The following KIRREL3 variants were observed in gnomAD, a reference collection of about 807,000 sequenced individuals.
KIRREL3 encodes kin of IRRE-like protein 3.
In KIRREL3, 36 loss-of-function variants were observed where a neutral mutation model predicts 89.7. The observed-to-expected ratio is 0.40, with a 90% CI of 0.31 to 0.53. KIRREL3 has a LOEUF of 0.53. Among genes scored for constraint, KIRREL3 ranks in the 20% least tolerant of loss-of-function variants. The pLI is 0.49. For missense variants in KIRREL3, 864 were observed against 1,056.6 expected (o/e 0.82, Z 2.53); for synonymous variants, 445 against 441.4 (o/e 1.01, Z -0.10).
At chr11:126,968,657 C>A (rs1949346665) in intron 1 of KIRREL3, among the ~76,000 whole-genome samples, 1 of 152,196 alleles carries the variant, frequency 6.6e-6, no homozygotes, top group South Asian at 2.1e-4. Context: ...GTGCTCAGCT[C>A]CTCCTGAAGA....
intron 7 of KIRREL3, among the ~76,000 whole-genome samples, chr11:126,451,278 ATGT>A: frequency 8.5e-6 from 1 of 117,266 alleles, no homozygotes; most frequent in African/African-American, 3.3e-5. Flanking sequence ...GTCCGTGTGC[ATGT>A]GTGCGTGTGT....
intron 1 of KIRREL3, among the ~76,000 whole-genome samples, chr11:126,604,996 G>C (rs1487282227): frequency 6.6e-6 from 1 of 152,212 alleles, no homozygotes; most frequent in Non-Finnish European, 1.5e-5. Flanking sequence ...ATTGTAAATT[G>C]CAAAGTGGCA....
chr11:127,002,591 CT>C (rs1479239806), upstream of KIRREL3, among the ~76,000 whole-genome samples: 1 of 152,160 alleles, frequency 6.6e-6, no homozygotes, highest in African/African-American at 2.4e-5. Context: ...GCGCCGTCAC[CT>C]TAGTAGTAGC....
At chr11:126,567,500 A>C (rs936042135) in intron 1 of KIRREL3, among the ~76,000 whole-genome samples, 1 of 152,200 alleles carries the variant, frequency 6.6e-6, no homozygotes, top group Non-Finnish European at 1.5e-5. Context: ...CTAGCAAATG[A>C]ATATAGACAG....
rs1045268301 is a variant in KIRREL3 at position 126,628,509 on chromosome 11, C to T, written c.56-65597G>A. On this transcript the variant is annotated intron_variant, in intron 1 of 16. Coordinates refer to ENST00000525144, the MANE Select transcript of KIRREL3 (RefSeq NM_032531.4). This position sits in a 1 kb window ranked among gnomAD's most constrained non-coding sequence, Gnocchi z 5.2. ...TGCTGAGCAGGAAGAACAGTATATC[C>T]CGTTCTCCTAGCTCTCAAAACAATG... 6.6e-6 allele frequency among the ~76,000 whole-genome samples: 1 copy of T among 152,134 alleles called. No homozygotes were observed. Among genetic ancestry groups the T allele is most frequent in the Non-Finnish European group, 1.5e-5 (1 of 68,032 alleles).
In KIRREL3 at chr11:126,522,832, G is replaced by A. The variant is rs1958639078; in HGVS notation, c.284-1368C>T. ...CTTCTCTCCTCAGAGGCTGCCCTCG[G>A]CTTCCACTCCCCTCTGGCAGCCCCA... On this transcript the variant is annotated intron_variant, in intron 3 of 16. Coordinates refer to ENST00000525144, the MANE Select transcript of KIRREL3 (RefSeq NM_032531.4). This position sits in a 1 kb window ranked among gnomAD's most constrained non-coding sequence, Gnocchi z 6.0. Among the ~76,000 whole-genome samples, 2 of 152,184 alleles carry A rather than the reference G, an allele frequency of 1.3e-5. No homozygotes were observed. The highest frequency in any genetic ancestry group is 4.1e-4 in the South Asian group (2 of 4,828).
At position 127,000,492 on chromosome 11, in the gene KIRREL3, G is replaced by C; in HGVS notation, c.18C>G (p.Leu6=). 1.9e-6 allele frequency: 3 copies of C among 1,607,886 alleles called. No individual in the cohort carries two copies. Among genetic ancestry groups the C allele is most frequent in the Non-Finnish European group, 2.5e-6 (3 of 1,177,196 alleles). MKPFQ[L]DLLFVCFFLF... ...GGAAGAAGCAGACGAAGAGCAGATC[G>C]AGCTGGAAGGGTTTCATTCCTTAGC... The change falls in exon 1 of 17, where the codon CTC becomes CTG. Residue 6 remains leucine, a synonymous_variant. Coordinates refer to ENST00000525144, the MANE Select transcript of KIRREL3 (RefSeq NM_032531.4). The surrounding 1 kb of genome is among the most constrained non-coding windows in gnomAD (Gnocchi z 7.1).
At chr11:126,518,946 G>A (rs1432595023) in intron 4 of KIRREL3, among the ~76,000 whole-genome samples, 1 of 152,268 alleles carries the variant, frequency 6.6e-6, no homozygotes, top group African/African-American at 2.4e-5. Flanking sequence ...TGGGGTTTTA[G>A]TTTGCTCAGG....
At position 126,642,834 on chromosome 11, in the gene KIRREL3, C is replaced by T. The variant is rs749560835; in HGVS notation, c.56-79922G>A. Among the ~76,000 whole-genome samples, 28 of 152,180 alleles carry T rather than the reference C, an allele frequency of 1.8e-4. No individual in the cohort carries two copies. Among genetic ancestry groups the T allele is most frequent in the Non-Finnish European group, 2.9e-4 (20 of 68,036 alleles). ...ATGTGCAAAATTCTGAACTGTACATCCAGTTGAACAAAGTAAACATTTATC... is the reference window on the plus strand; with the variant it reads ...ATGTGCAAAATTCTGAACTGTACATTCAGTTGAACAAAGTAAACATTTATC... On this transcript the variant is annotated intron_variant, in intron 1 of 16. Transcript: ENST00000525144. This position sits in a 1 kb window ranked among gnomAD's most constrained non-coding sequence, Gnocchi z 4.9.
chr11:126,847,374 T>C (rs1213540010), intron 1 of KIRREL3, among the ~76,000 whole-genome samples: 1 of 152,136 alleles, frequency 6.6e-6, no homozygotes, highest in Non-Finnish European at 1.5e-5. Flanking sequence ...TTGTTAGTCA[T>C]GTTTTTGACT....
At chr11:126,678,300 C>T (rs1946287627) in intron 1 of KIRREL3, among the ~76,000 whole-genome samples, 1 of 151,382 alleles carries the variant, frequency 6.6e-6, no homozygotes, top group Admixed American at 6.6e-5. Context: ...GAGTTGAAGG[C>T]CGAGATAAGA....
At chr11:126,439,293 T>G (rs1167208531) in intron 11 of KIRREL3, among the ~76,000 whole-genome samples, 3 of 151,854 alleles carry the variant, frequency 2.0e-5, no homozygotes, top group Non-Finnish European at 4.4e-5. Context: ...ATTGCACCAT[T>G]GCACCCAGCC....
chr11:126,815,076 T>C (rs1951512559), intron 1 of KIRREL3, among the ~76,000 whole-genome samples: 1 of 152,120 alleles, frequency 6.6e-6, no homozygotes, highest in Non-Finnish European at 1.5e-5. Flanking sequence ...GGTGTAAAGC[T>C]TTAAAAAAAA....
rs1373343297 is a variant in KIRREL3, at chr11:126,473,436, C to G, written c.464G>C (p.Gly155Ala). ...CCCCGCACGCAGGCTGATCACAGGG[C>G]CCCCCAGGATGACGGGGTCATCAGG... is the stretch of plus-strand genomic sequence containing the variant. ...VPPDDPVILGGPVISLRAGDP... is the reference protein window; with the variant it reads ...VPPDDPVILGAPVISLRAGDP... Residue 155 changes from glycine to alanine, a missense_variant, in exon 5 of 17, where the codon GGC (glycine) becomes GCC (alanine). By Grantham distance (60) the Gly-to-Ala change is moderately conservative (BLOSUM62 0). Coordinates refer to ENST00000525144, the MANE Select transcript of KIRREL3 (RefSeq NM_032531.4). The G allele has an allele frequency of 1.9e-6, 3 of 1,571,126 alleles. No homozygotes were observed. The highest frequency in any genetic ancestry group is 1.7e-5 in the Admixed American group (1 of 58,428).
intron 4 of KIRREL3, among the ~76,000 whole-genome samples, chr11:126,487,271 G>T (rs995159881): frequency 1.3e-5 from 2 of 152,088 alleles, no homozygotes; most frequent in East Asian, 3.8e-4. Flanking sequence ...AGACAGAAGG[G>T]CAAAAATTAA....
In KIRREL3 at chr11:126,772,833, C is replaced by G. The variant is rs1041644816; in HGVS notation, c.56-209921G>C. Among the ~76,000 whole-genome samples, 4 of 152,294 alleles carry G rather than the reference C, an allele frequency of 2.6e-5. No homozygotes were observed. The South Asian group carries it at 6.2e-4, about 24-fold the overall frequency. ...GGTTTTGAGCCTTTGCCCCTAATGC[C>G]AGCACCATACCTACTGCATCTGGAT... is the stretch of plus-strand genomic sequence containing the variant. On this transcript the variant is annotated intron_variant, in intron 1 of 16. Transcript: ENST00000525144. This position sits in a 1 kb window ranked among gnomAD's most constrained non-coding sequence, Gnocchi z 4.6.
At chr11:126,839,022 GAGGA>G (rs1257528773) in intron 1 of KIRREL3, among the ~76,000 whole-genome samples, 7 of 152,216 alleles carry the variant, frequency 4.6e-5, no homozygotes, top group Non-Finnish European at 1.0e-4. Context: ...GCCTCCAAGG[GAGGA>G]CTTGGCTTTT....
chr11:126,849,643 G>C (rs1270336429), intron 1 of KIRREL3, among the ~76,000 whole-genome samples: 1 of 152,188 alleles, frequency 6.6e-6, no homozygotes, highest in African/African-American at 2.4e-5. Context: ...GGGCAACGCA[G>C]AGATGTCTAG....
intron 7 of KIRREL3, among the ~76,000 whole-genome samples, chr11:126,451,137 G>A (rs1232359160): frequency 6.6e-6 from 1 of 151,320 alleles, no homozygotes; most frequent in Non-Finnish European, 1.5e-5. Context: ...ATGTGCATGT[G>A]TGTGCATGTG....
Sources: gnomAD v4.1 joint callset for allele counts (sites outside exome capture counted in the v4.1 genomes callset) on GRCh38, gnomAD v4.1.1 for gene constraint, Gnocchi (gnomAD v3.1) non-coding constraint, MANE v1.5 for transcripts, NCBI Gene and HGNC (gene_info 2026-07-23, HGNC 2026-07-21) for gene names.